Variants in FER observed in about 807,000 individuals in gnomAD.
FER encodes the protein FER tyrosine kinase.
In FER, 63 loss-of-function variants were observed where a neutral mutation model predicts 111.0. The observed-to-expected ratio is 0.57, with a 90% confidence interval of 0.46 to 0.70. FER has a LOEUF of 0.70. Among genes scored for constraint, FER ranks in the 30% least tolerant of loss-of-function variants. The pLI is 0.00. For missense variants in FER, 914 were observed against 954.0 expected, an observed-to-expected ratio of 0.96 and a Z score of 0.55; for synonymous variants, 327 against 313.9, an observed-to-expected ratio of 1.04 and a Z score of -0.44.
At chr5:109,002,625 G>A (rs148218847) in intron 13 of FER, among the ~76,000 whole-genome samples, 8,988 of 152,154 alleles carry the variant, frequency 0.059, 402 homozygotes, top group South Asian at 0.12. Flanking sequence ...TGACAAATGG[G>A]ATCTAATGAA....
chr5:108,905,612 G>C (rs1750648598), intron 10 of FER, among the ~76,000 whole-genome samples: 1 of 152,118 alleles, frequency 6.6e-6, no homozygotes, highest in Non-Finnish European at 1.5e-5. Context: ...GGGTCAAAGA[G>C]ATTTAGAAGC....
At chr5:109,010,998 A>G (rs1474063630) in intron 13 of FER, among the ~76,000 whole-genome samples, 1 of 152,222 alleles carries the variant, frequency 6.6e-6, no homozygotes, top group Non-Finnish European at 1.5e-5. Flanking sequence ...ATTACCCATG[A>G]GCCTCACTCA....
chr5:109,067,630 ATAAT>A (rs1418530471), intron 16 of FER, among the ~76,000 whole-genome samples: 2 of 151,986 alleles, frequency 1.3e-5, no homozygotes, highest in African/African-American at 4.8e-5. Context: ...TTCCTCCTTG[ATAAT>A]TAGTTTTCTA....
At chr5:108,852,214 G>C (rs1185255520) in intron 5 of FER, among the ~76,000 whole-genome samples, 1 of 152,154 alleles carries the variant, frequency 6.6e-6, no homozygotes, top group Non-Finnish European at 1.5e-5. Flanking sequence ...TTGGGAAGTA[G>C]ATTTTCTTAA....
At chr5:109,159,099 A>G (rs1243150257) in intron 17 of FER, among the ~76,000 whole-genome samples, 1 of 152,162 alleles carries the variant, frequency 6.6e-6, no homozygotes, top group African/African-American at 2.4e-5. Flanking sequence ...CCTGGTATTA[A>G]CAGTCATTAT....
At chr5:108,928,125 G>C (rs1754045108) in intron 10 of FER, among the ~76,000 whole-genome samples, 1 of 152,236 alleles carries the variant, frequency 6.6e-6, no homozygotes, top group South Asian at 2.1e-4. Flanking sequence ...TTTGATTGCT[G>C]TAGTTTGTTC....
At chr5:108,880,030 T>A (rs943902729) in intron 8 of FER, among the ~76,000 whole-genome samples, 1 of 152,066 alleles carries the variant, frequency 6.6e-6, no homozygotes, top group East Asian at 1.9e-4. Flanking sequence ...AATTTTATTC[T>A]TCTAAATTCA....
intron 1 of FER, among the ~76,000 whole-genome samples, chr5:108,756,311 AG>A (rs1405629134): frequency 6.6e-6 from 1 of 152,094 alleles, no homozygotes; most frequent in Non-Finnish European, 1.5e-5. Context: ...CTAAGGTTTT[AG>A]AAACTTTGCT....
At chr5:108,785,628 T>C (rs1754624000) in intron 2 of FER, 1 of 377,486 alleles carries the variant, frequency 2.6e-6, no homozygotes, top group Non-Finnish European at 5.1e-6. Flanking sequence ...TCAGGCCTTA[T>C]GGTGAAGGAG....
intron 17 of FER, among the ~76,000 whole-genome samples, chr5:109,146,644 T>C (rs889467909): frequency 1.3e-5 from 2 of 152,060 alleles, no homozygotes; most frequent in African/African-American, 2.4e-5. Flanking sequence ...TAAGACATCA[T>C]ATATATCGTA....
At chr5:109,014,676 A>T (rs1321379729) in intron 13 of FER, among the ~76,000 whole-genome samples, 1 of 152,108 alleles carries the variant, frequency 6.6e-6, no homozygotes, top group South Asian at 2.1e-4. Flanking sequence ...CTTGGGCAGT[A>T]TGGCCATTTT....
chr5:108,886,993 G>T (rs1335931293), intron 9 of FER, among the ~76,000 whole-genome samples: 1 of 151,404 alleles, frequency 6.6e-6, no homozygotes, highest in Admixed American at 6.6e-5. Flanking sequence ...TCCTTTTATT[G>T]TGTACATGTG....
chr5:109,038,566 A>T (rs909225138), intron 14 of FER, among the ~76,000 whole-genome samples: 8 of 152,002 alleles, frequency 5.3e-5, no homozygotes, highest in Non-Finnish European at 1.2e-4. Context: ...ATTGGAAAGC[A>T]GATTTTTATT....
intron 16 of FER, among the ~76,000 whole-genome samples, chr5:109,083,149 T>C (rs932191983): frequency 2.0e-5 from 3 of 152,070 alleles, no homozygotes; most frequent in African/African-American, 7.2e-5. Context: ...CCTGATGTTA[T>C]ATAGGAAATA....
chr5:109,188,491 C>T lies in FER; in HGVS notation c.*916C>T, dbSNP rs1459822329. ...GTACAGAGAGCTGTGAAGCAAGAAA[C>T]AGATTTGAACAGGAGGGTGGGCTGG... is the stretch of plus-strand genomic sequence containing the variant. On this transcript the variant is annotated 3_prime_UTR_variant, in exon 20 of 20. Transcript: ENST00000281092. 6.6e-6 allele frequency: 1 copy of T among 151,034 alleles called. No individual in the cohort carries two copies. Among genetic ancestry groups the T allele is most frequent in the African/African-American group, 2.4e-5 (1 of 41,130 alleles). The allele number at this position is 151,034 out of a possible 1,614,324, so 9.4% of individuals were successfully genotyped here. A position where few individuals can be genotyped will look rare whatever the true frequency, so the allele number is the denominator to read the frequency against.
chr5:109,118,485 T>C (rs1750556685), intron 17 of FER, among the ~76,000 whole-genome samples: 1 of 152,180 alleles, frequency 6.6e-6, no homozygotes, highest in Non-Finnish European at 1.5e-5. Context: ...GTTGTGTCTC[T>C]GCCAGGCTTT....
intron 1 of FER, among the ~76,000 whole-genome samples, chr5:108,758,400 G>A (rs533483980): frequency 1.3e-3 from 200 of 152,244 alleles, no homozygotes; most frequent in African/African-American, 4.3e-3. Flanking sequence ...CAAACTAAGG[G>A]TGATAATACT....
intron 11 of FER, among the ~76,000 whole-genome samples, chr5:108,948,163 C>G (rs967460311): frequency 6.6e-6 from 1 of 151,914 alleles, no homozygotes; most frequent in African/African-American, 2.4e-5. Flanking sequence ...GAATTAATCG[C>G]AATGGTATTT....
At chr5:109,139,687 C>T (rs1333480678) in intron 17 of FER, among the ~76,000 whole-genome samples, 1 of 151,972 alleles carries the variant, frequency 6.6e-6, no homozygotes, top group Non-Finnish European at 1.5e-5. Context: ...GAAAGCAAAC[C>T]CCCAGTTTTC....
Sources: gnomAD v4.1 joint callset for allele counts (sites outside exome capture counted in the v4.1 genomes callset) on GRCh38, gnomAD v4.1.1 for gene constraint, MANE v1.5 for transcripts, NCBI Gene and HGNC (gene_info 2026-07-23, HGNC 2026-07-21) for gene names.